DERA: variants seen among roughly 807,000 people sequenced by gnomAD.
DERA encodes the protein 2-deoxy-D-ribose 5-phosphate aldolase.
DERA carries 15 observed loss-of-function variants against 41.1 expected under a neutral mutation model. The ratio of observed to expected loss-of-function variants is 0.37; its 90% CI spans 0.24 to 0.56. The LOEUF is 0.56. Ranked by LOEUF, DERA falls within the 20% of genes least tolerant of loss-of-function variation. The pLI is 0.81. For missense variants in DERA, 396 were observed against 403.4 expected (o/e 0.98, Z 0.16); for synonymous variants, 139 against 137.4 (o/e 1.01, Z -0.08).
chr12:15,953,520 A>C (rs940661798), intron 1 of DERA, among the ~76,000 whole-genome samples: 1 of 152,212 alleles, frequency 6.6e-6, no homozygotes, highest in Non-Finnish European at 1.5e-5. Flanking sequence ...CAAGGGCCTA[A>C]AAACCACCAA....
chr12:16,019,972 G>C lies in DERA; in HGVS notation c.638-12570G>C, dbSNP rs1246595409. ...GATTTCTTGCTCTGAGCTCACATGA[G>C]ATCTGGTTTTTTAAAAGAGCATGGC... On this transcript the variant is annotated intron_variant, in intron 6 of 8. Coordinates refer to ENST00000428559, the MANE Select transcript of DERA (RefSeq NM_015954.4). The surrounding 1 kb of genome is among the most constrained non-coding windows in gnomAD (Gnocchi z 4.4). 6.6e-6 allele frequency among the ~76,000 whole-genome samples: 1 copy of C among 152,046 alleles called. No individual in the cohort carries two copies. Among genetic ancestry groups the C allele is most frequent in the African/African-American group, 2.4e-5 (1 of 41,388 alleles).
intron 1 of DERA, among the ~76,000 whole-genome samples, chr12:15,919,582 G>A (rs1948226456): frequency 6.6e-6 from 1 of 152,174 alleles, no homozygotes; most frequent in South Asian, 2.1e-4. Flanking sequence ...ATGTGTCTAC[G>A]AATGTACTTC....
chr12:15,939,530 T>C (rs1269435561), intron 1 of DERA, among the ~76,000 whole-genome samples: 1 of 152,178 alleles, frequency 6.6e-6, no homozygotes, highest in African/African-American at 2.4e-5. Flanking sequence ...TTTGTAGGAG[T>C]AAATTTTATG....
rs1948851813 is a variant in DERA at position 15,998,193 on chromosome 12, T to G, written c.637+15757T>G. Among the ~76,000 whole-genome samples the G allele has an allele frequency of 6.6e-6, 1 of 152,174 alleles. No individual in the cohort carries two copies. Among genetic ancestry groups the G allele is most frequent in the Non-Finnish European group, 1.5e-5 (1 of 68,030 alleles). On this transcript the variant is annotated intron_variant, in intron 6 of 8. Coordinates refer to ENST00000428559, the MANE Select transcript of DERA (RefSeq NM_015954.4). This position sits in a 1 kb window ranked among gnomAD's most constrained non-coding sequence, Gnocchi z 4.8. ...GGGGTCATGAACGGAGCCAAGGAAA[T>G]TCATACTTTGAGAAACATGCATTTT...
chr12:15,944,550 TC>T (rs1397299478), intron 1 of DERA, among the ~76,000 whole-genome samples: 2 of 152,246 alleles, frequency 1.3e-5, no homozygotes, highest in Middle Eastern at 3.2e-3. Flanking sequence ...TCTGTTCATA[TC>T]CTTCGCCCAC....
At chr12:15,978,035 A>G (rs1948710211) in intron 5 of DERA, among the ~76,000 whole-genome samples, 1 of 152,182 alleles carries the variant, frequency 6.6e-6, no homozygotes, top group African/African-American at 2.4e-5. Context: ...CTACCAACAT[A>G]GGGGAAAACC....
At chr12:16,034,683 G>A (rs1470695134) in intron 7 of DERA, among the ~76,000 whole-genome samples, 1 of 151,912 alleles carries the variant, frequency 6.6e-6, no homozygotes, top group East Asian at 1.9e-4. Context: ...CATGATTAGT[G>A]TCACTCCTGA....
Position 15,931,410 on chromosome 12 carries a change from C to T in DERA, c.31+19996C>T, listed in dbSNP as rs938203589. On this transcript the variant is annotated intron_variant, in intron 1 of 8. Transcript: ENST00000428559. This position sits in a 1 kb window ranked among gnomAD's most constrained non-coding sequence, Gnocchi z 4.6. The stretch of plus-strand genomic sequence containing the variant: ...ATCTTTTCAAAGCACTGAGAGTTGA[C>T]TCTTTACCCAACAGGGGGCCAAAGT... Among the ~76,000 whole-genome samples, 1 of 152,150 alleles carries T rather than the reference C, an allele frequency of 6.6e-6. No homozygotes were observed. Among genetic ancestry groups the T allele is most frequent in the Non-Finnish European group, 1.5e-5 (1 of 68,026 alleles).
At position 16,013,539 on chromosome 12, in the gene DERA, C is replaced by T. The variant is rs1283749582; in HGVS notation, c.638-19003C>T. 1.3e-5 allele frequency among the ~76,000 whole-genome samples: 2 copies of T among 152,184 alleles called. No individual in the cohort carries two copies. Among genetic ancestry groups the T allele is most frequent in the African/African-American group, 4.8e-5 (2 of 41,438 alleles). On this transcript the variant is annotated intron_variant, in intron 6 of 8. Coordinates refer to ENST00000428559, the MANE Select transcript of DERA (RefSeq NM_015954.4). The surrounding 1 kb of genome is among the most constrained non-coding windows in gnomAD (Gnocchi z 5.8). ...TGATTGTAAGTTTCCTGAGGCCTCC[C>T]CAGCCATGCTGAACTGTGAGTCAGT...
Position 16,008,849 on chromosome 12 carries a change from C to T in DERA, c.638-23693C>T, listed in dbSNP as rs1592048364. Among the ~76,000 whole-genome samples the T allele has an allele frequency of 6.6e-6, 1 of 152,162 alleles. No homozygotes were observed. The highest frequency in any genetic ancestry group is 1.9e-4 in the East Asian group (1 of 5,174). ...TATTGAAGGAAATAGTTTAACAGGG[C>T]TAGGTAGGATTTTGACTGGGAAAGA... On this transcript the variant is annotated intron_variant, in intron 6 of 8. Transcript: ENST00000428559. This position sits in a 1 kb window ranked among gnomAD's most constrained non-coding sequence, Gnocchi z 4.8.
Position 16,019,146 on chromosome 12 carries a change from T to C in DERA, c.638-13396T>C, listed in dbSNP as rs181429363. On this transcript the variant is annotated intron_variant, in intron 6 of 8. Transcript: ENST00000428559. The surrounding 1 kb of genome is among the most constrained non-coding windows in gnomAD (Gnocchi z 4.4). Reference sequence around the variant, plus strand: ...TAGCAGAAGGGCAAAGGAAGCAATGTTAAAATGAGAAGTAAAACAAAAGTG... The same window carrying C: ...TAGCAGAAGGGCAAAGGAAGCAATGCTAAAATGAGAAGTAAAACAAAAGTG... 5.4e-3 allele frequency among the ~76,000 whole-genome samples: 827 copies of C among 152,342 alleles called. 6 individuals carry two copies. Among genetic ancestry groups the C allele is most frequent in the South Asian group, 0.014 (70 of 4,830 alleles).
At chr12:15,953,181 T>C (rs1389067648) in intron 1 of DERA, among the ~76,000 whole-genome samples, 1 of 152,216 alleles carries the variant, frequency 6.6e-6, no homozygotes, top group East Asian at 1.9e-4. Context: ...TTTAGCCAAC[T>C]GGATAAGCCT....
At position 15,936,931 on chromosome 12, in the gene DERA, CTGT is replaced by C. The variant is rs537228763; in HGVS notation, c.32-20004_32-20002del. ...CTGTCCTGTCCTGTCCTGTCCTGTC[CTGT>C]CTTGTCCTGTCCCGTCCTGTCCTGC... On this transcript the variant is annotated intron_variant, in intron 1 of 8. Coordinates refer to ENST00000428559, the MANE Select transcript of DERA (RefSeq NM_015954.4). The surrounding 1 kb of genome is among the most constrained non-coding windows in gnomAD (Gnocchi z 4.6). Among the ~76,000 whole-genome samples the C allele has an allele frequency of 0.036, 4,762 of 132,716 alleles. 145 individuals are homozygous for C. Among genetic ancestry groups the C allele is most frequent in the African/African-American group, 0.092 (2,957 of 32,048 alleles). The allele number at this position is 132,716 out of a possible 152,430, so 87.1% of individuals were successfully genotyped here.
rs1948164157 is a variant in DERA at position 15,911,589 on chromosome 12, A to C, written c.31+175A>C. 4 of 720,798 alleles carry C rather than the reference A, an allele frequency of 5.5e-6. No individual in the cohort carries two copies. The highest frequency in any genetic ancestry group is 9.8e-6 in the Non-Finnish European group (4 of 408,528). The allele number at this position is 720,798 out of a possible 1,614,324, so 44.7% of individuals were successfully genotyped here. ...ACCCCAAGTAAAGGCCGAACCCGGC[A>C]CGTTCGCGCCGCTTGTCTTTGCACC... On this transcript the variant is annotated intron_variant, in intron 1 of 8. Transcript: ENST00000428559. The surrounding 1 kb of genome is among the most constrained non-coding windows in gnomAD (Gnocchi z 4.5).
At position 15,936,951 on chromosome 12, in the gene DERA, C is replaced by CCG. The variant is rs1565588756; in HGVS notation, c.32-19985_32-19984insCG. Among the ~76,000 whole-genome samples the CCG allele has an allele frequency of 2.0e-4, 28 of 143,240 alleles. No individual in the cohort carries two copies. The highest frequency in any genetic ancestry group is 7.0e-3 in the Middle Eastern group (2 of 286). The allele number at this position is 143,240 out of a possible 152,430, so 94.0% of individuals were successfully genotyped here. ...CTGTCCTGTCTTGTCCTGTCCCGTC[C>CCG]TGTCCTGCCCTGCCCTGCCCTGTCT... On this transcript the variant is annotated intron_variant, in intron 1 of 8. Transcript: ENST00000428559. This position sits in a 1 kb window ranked among gnomAD's most constrained non-coding sequence, Gnocchi z 4.6.
chr12:16,004,796 A>T lies in DERA; in HGVS notation c.637+22360A>T, dbSNP rs2136175419. Among the ~76,000 whole-genome samples, 1 of 152,326 alleles carries T rather than the reference A, an allele frequency of 6.6e-6. No homozygotes were observed. Among genetic ancestry groups the T allele is most frequent in the South Asian group, 2.1e-4 (1 of 4,826 alleles). On this transcript the variant is annotated intron_variant, in intron 6 of 8. Transcript: ENST00000428559. The surrounding 1 kb of genome is among the most constrained non-coding windows in gnomAD (Gnocchi z 4.2). ...AAAAAATCCTACTAAAAACTAGGAG[A>T]TACCTTGGGAGTTTCCAAAATCAAG... is the stretch of plus-strand genomic sequence containing the variant.
chr12:16,002,436 A>G (rs1373139844), intron 6 of DERA, among the ~76,000 whole-genome samples: 1 of 152,116 alleles, frequency 6.6e-6, no homozygotes, highest in Non-Finnish European at 1.5e-5. Context: ...CAGCTGCCCT[A>G]CAGGATTTTT....
chr12:15,995,584 G>A lies in DERA; in HGVS notation c.637+13148G>A, dbSNP rs1253859393. Among the ~76,000 whole-genome samples the A allele has an allele frequency of 6.6e-6, 1 of 152,194 alleles. No individual in the cohort carries two copies. Among genetic ancestry groups the A allele is most frequent in the African/African-American group, 2.4e-5 (1 of 41,448 alleles). ...CAGCTAGGGAGTGACAAGAAAAGCA[G>A]ATCTTTCTGTTTTCCACCTGATGGA... is the stretch of plus-strand genomic sequence containing the variant. On this transcript the variant is annotated intron_variant, in intron 6 of 8. Transcript: ENST00000428559. This position sits in a 1 kb window ranked among gnomAD's most constrained non-coding sequence, Gnocchi z 5.1.
chr12:16,016,490 A>T (rs1329120608), intron 6 of DERA, among the ~76,000 whole-genome samples: 11 of 152,136 alleles, frequency 7.2e-5, no homozygotes, highest in Non-Finnish European at 2.9e-5. Flanking sequence ...AAAACCCAAA[A>T]CCTTACAGTT....
Sources: gnomAD v4.1 joint callset for allele counts (sites outside exome capture counted in the v4.1 genomes callset) on GRCh38, gnomAD v4.1.1 for gene constraint, Gnocchi (gnomAD v3.1) non-coding constraint, MANE v1.5 for transcripts, NCBI Gene and HGNC (gene_info 2026-07-23, HGNC 2026-07-21) for gene names.